The following SLC37A3 variants were observed in gnomAD, a reference collection of about 807,000 sequenced individuals.
The protein encoded by SLC37A3 is sugar phosphate exchanger 3.
A neutral mutation model predicts 67.1 loss-of-function variants in SLC37A3; 51 were observed. That is an observed-to-expected ratio of 0.76 (90% CI 0.61 to 0.96). The LOEUF is 0.96. SLC37A3 is among the 40% of genes least tolerant of loss of function. The pLI is 0.00. For synonymous variants in SLC37A3, 214 were observed against 231.4 expected (o/e 0.92, Z 0.68); for missense variants, 508 against 603.0 (o/e 0.84, Z 1.65).
chr7:140,355,820 C>A, intron 6 of SLC37A3, 56 bp from the exon 7 acceptor site: 1 of 1,483,968 alleles, frequency 6.7e-7, no homozygotes. Context: ...ATACTCTGGG[C>A]AGTTCAAAAT....
chr7:140,369,744 C>A, intron 3 of SLC37A3, 62 bp from the exon 4 acceptor site: 1 of 1,364,666 alleles, frequency 7.3e-7, no homozygotes, highest in Non-Finnish European at 1.0e-6. Flanking sequence ...TTCTGTTTCC[C>A]AAAGCCCCTT....
At chr7:140,391,638 A>G (rs887839065) in intron 1 of SLC37A3, among the ~76,000 whole-genome samples, 2 of 152,198 alleles carry the variant, frequency 1.3e-5, no homozygotes, top group African/African-American at 4.8e-5. Flanking sequence ...CTAATTAGAG[A>G]AAAAGGAGTC....
chr7:140,336,117 C>T (rs1796121345), intron 14 of SLC37A3, among the ~76,000 whole-genome samples: 1 of 152,232 alleles, frequency 6.6e-6, no homozygotes, highest in African/African-American at 2.4e-5. Flanking sequence ...TCAGGTAGAC[C>T]TGTCTTGAGC....
intron 1 of SLC37A3, among the ~76,000 whole-genome samples, chr7:140,394,772 C>G (rs1563058940): frequency 6.6e-6 from 1 of 151,394 alleles, no homozygotes; most frequent in Non-Finnish European, 1.5e-5. Context: ...CCACGTCCAG[C>G]TAATTTTTGT....
intron 11 of SLC37A3, 29 bp downstream of exon 11, chr7:140,345,840 G>C (rs747941275): frequency 6.5e-6 from 10 of 1,527,558 alleles, no homozygotes; most frequent in Non-Finnish European, 9.1e-6. Context: ...GGGGAGCAAA[G>C]GAATTAGTAA....
chr7:140,348,633 C>T lies in SLC37A3; in HGVS notation c.1017G>A (p.Gly339=). The T allele has an allele frequency of 6.2e-7, 1 of 1,610,596 alleles. No individual in the cohort carries two copies. Among genetic ancestry groups the T allele is most frequent in the Non-Finnish European group, 8.5e-7 (1 of 1,179,272 alleles). Residue 339 remains glycine, a synonymous_variant, in exon 10 of 15, where the codon GGG becomes GGA. Coordinates refer to ENST00000326232, the MANE Select transcript of SLC37A3 (RefSeq NM_207113.3). Reference sequence around the variant, plus strand: ...GATGTATCACCGGCATACCTATGATCCCTCCAACGTCGTACCAAATGGACA... The same window carrying T: ...GATGTATCACCGGCATACCTATGATTCCTCCAACGTCGTACCAAATGGACA... ...DKLSIWYDVG[G]IIGGTLQGFI... is the part of the protein sequence containing the mutation.
At chr7:140,353,706 C>G (rs1314268644) in intron 7 of SLC37A3, among the ~76,000 whole-genome samples, 1 of 151,690 alleles carries the variant, frequency 6.6e-6, no homozygotes, top group Non-Finnish European at 1.5e-5. Flanking sequence ...TCACTTAGCA[C>G]ACTGTTTTGT....
At chr7:140,374,478 C>CA (rs1223206155) in intron 3 of SLC37A3, among the ~76,000 whole-genome samples, 2 of 139,026 alleles carry the variant, frequency 1.4e-5, no homozygotes, top group African/African-American at 2.6e-5. Context: ...GCCTGGGCGA[C>CA]AGAGCAAGAC....
In SLC37A3 at chr7:140,348,038, G is replaced by A. The variant is rs1011283603; in HGVS notation, c.1024+588C>T. On this transcript the variant is annotated intron_variant, in intron 10 of 14. Transcript: ENST00000326232. ...GTTGGGCACAGAAATTAACAATAAC[G>A]ACAAAATAGAAAATAATAACAATAT... Among the ~76,000 whole-genome samples the A allele has an allele frequency of 2.0e-5, 3 of 152,016 alleles. No individual in the cohort carries two copies. In the East Asian group the frequency reaches 5.8e-4, roughly 29 times the overall value.
intron 5 of SLC37A3, among the ~76,000 whole-genome samples, chr7:140,362,428 G>A (rs1298260527): frequency 7.5e-5 from 9 of 119,434 alleles, no homozygotes; most frequent in Admixed American, 7.1e-4. Flanking sequence ...TGGGGGGGGG[G>A]GTCAGCCCCC....
intron 3 of SLC37A3, among the ~76,000 whole-genome samples, chr7:140,369,908 C>T (rs889667192): frequency 1.1e-4 from 17 of 152,132 alleles, no homozygotes; most frequent in Non-Finnish European, 2.4e-4. Context: ...ATCGGGAGTT[C>T]GAGACCAGCC....
intron 4 of SLC37A3, among the ~76,000 whole-genome samples, chr7:140,367,175 G>A (rs773211792): frequency 4.1e-5 from 6 of 146,954 alleles, no homozygotes; most frequent in Non-Finnish European, 7.5e-5. Context: ...GGTAGCTAAC[G>A]CCTGTAATCC....
At chr7:140,357,129 G>A (rs906133050) in intron 6 of SLC37A3, among the ~76,000 whole-genome samples, 3 of 152,000 alleles carry the variant, frequency 2.0e-5, no homozygotes, top group South Asian at 2.1e-4. Context: ...AAGGAGAATT[G>A]CTTGAACCCA....
In SLC37A3 at chr7:140,335,165, CAG is replaced by C; in HGVS notation, c.*245_*246del. The C allele has an allele frequency of 6.7e-7, 1 of 1,503,504 alleles. No homozygotes were observed. Among genetic ancestry groups the C allele is most frequent in the Admixed American group, 1.9e-5 (1 of 51,964 alleles). The allele number at this position is 1,503,504 out of a possible 1,614,324, so 93.1% of individuals were successfully genotyped here. A position where few individuals can be genotyped will look rare whatever the true frequency, so the allele number is the denominator to read the frequency against. Reference sequence around the variant, plus strand: ...CAGAGTCAGAGGTCAAAGATGCTGGCAGAGTCAGAAGTCACTCGGCACATTCA... The same window carrying C: ...CAGAGTCAGAGGTCAAAGATGCTGGCAGTCAGAAGTCACTCGGCACATTCA... On this transcript the variant is annotated 3_prime_UTR_variant, in exon 15 of 15. Transcript: ENST00000326232.
intron 14 of SLC37A3, 145 bp from the exon 15 acceptor site, chr7:140,335,649 A>C: frequency 9.2e-7 from 1 of 1,086,062 alleles, no homozygotes. Flanking sequence ...GAATTAGAAA[A>C]TGATTTTGAA....
chr7:140,338,687 G>C (rs565283445), intron 13 of SLC37A3, among the ~76,000 whole-genome samples: 56 of 152,136 alleles, frequency 3.7e-4, no homozygotes, highest in African/African-American at 1.3e-3. Flanking sequence ...GCCCAGGCTG[G>C]TCTGGAACTC....
At position 140,343,653 on chromosome 7, in the gene SLC37A3, T is replaced by C. The variant is rs1435097868; in HGVS notation, c.1175-90A>G. 2.2e-6 allele frequency: 3 copies of C among 1,376,200 alleles called. No homozygotes were observed. The African/African-American group carries it at 4.4e-5, about 20-fold the overall frequency. 85.2% of individuals were successfully genotyped at this position (1,376,200 alleles called of 1,614,324 possible). A position where few individuals can be genotyped will look rare whatever the true frequency, so the allele number is the denominator to read the frequency against. ...GCAAAATAATATCCGAATAGTTTTC[T>C]TAATATGTTGGAGAGAAGTGGAAAA... On this transcript the variant is annotated intron_variant, in intron 12 of 14. Transcript: ENST00000326232.
chr7:140,388,532 G>T (rs1362270883), intron 1 of SLC37A3, among the ~76,000 whole-genome samples: 1 of 151,844 alleles, frequency 6.6e-6, no homozygotes, highest in African/African-American at 2.4e-5. Flanking sequence ...AAAACCATTG[G>T]CCAGGCATGG....
At chr7:140,345,092 TA>T in intron 12 of SLC37A3, 123 bp downstream of exon 12, 1 of 842,784 alleles carries the variant, frequency 1.2e-6, no homozygotes, top group African/African-American at 1.7e-5. Context: ...TTTTTCCTTT[TA>T]AAATTTGAAT....
Sources: allele counts gnomAD v4.1 joint callset (sites outside exome capture counted in the v4.1 genomes callset), GRCh38; gene constraint gnomAD v4.1.1; transcripts MANE v1.5; gene names NCBI Gene and HGNC (gene_info 2026-07-23, HGNC 2026-07-21).